Variants in CFAP276 observed in about 807,000 individuals in gnomAD.
CFAP276 encodes cilia and flagella associated protein 276, also known as cilia- and flagella-associated protein 276.
At chr1:109,112,624 T>A in the CFAP276 span, 5 of 1,550,598 alleles carry the variant, frequency 3.2e-6, no homozygotes, top group South Asian at 5.9e-5. Context: ...TTCTCCTAAG[T>A]AGGAATCATC....
chr1:109,113,434 GAGA>G, the CFAP276 span, among the ~76,000 whole-genome samples: 1 of 123,508 alleles, frequency 8.1e-6, no homozygotes, highest in African/African-American at 2.8e-5. Context: ...GAGAGAGAGA[GAGA>G]GAGAGAGAGA....
chr1:109,113,180 A>G, the CFAP276 span, among the ~76,000 whole-genome samples: 1 of 152,072 alleles, frequency 6.6e-6, no homozygotes, highest in African/African-American at 2.4e-5. Context: ...GCTTAAGCCC[A>G]AGAGTTCGAG....
At chr1:109,113,456 GAGAGAGAGAGA>G in the CFAP276 span, among the ~76,000 whole-genome samples, 40 of 141,094 alleles carry the variant, frequency 2.8e-4, 4 homozygotes, top group African/African-American at 9.8e-4. Flanking sequence ...GAGAGAGAGA[GAGAGAGAGAGA>G]GGCCCACGTG....
the CFAP276 span, chr1:109,107,947 G>T: frequency 6.2e-7 from 1 of 1,607,804 alleles, no homozygotes; most frequent in African/African-American, 1.3e-5. Flanking sequence ...TAGGCATCCC[G>T]CCTCATGGAA....
the CFAP276 span, among the ~76,000 whole-genome samples, chr1:109,113,416 A>AAG: frequency 0.013 from 902 of 68,024 alleles, 18 homozygotes; most frequent in Non-Finnish European, 0.016. Flanking sequence ...GAGAGAGAGA[A>AAG]AGAGAGAGAG....
the CFAP276 span, chr1:109,107,916 G>A: frequency 6.3e-7 from 1 of 1,596,718 alleles, no homozygotes; most frequent in South Asian, 1.1e-5. Flanking sequence ...TTCAATGCTA[G>A]GTACCTCGGG....
chr1:109,111,472 CA>C, the CFAP276 span, among the ~76,000 whole-genome samples: 411 of 141,270 alleles, frequency 2.9e-3, no homozygotes, highest in Non-Finnish European at 3.7e-3. Context: ...GACCCTGTCT[CA>C]AAAAAAAAAA....
the CFAP276 span, among the ~76,000 whole-genome samples, chr1:109,113,416 AAGAGAGAGAGAGAG>A: frequency 0.01 from 714 of 68,076 alleles, 21 homozygotes; most frequent in African/African-American, 0.027. Context: ...GAGAGAGAGA[AAGAGAGAGAGAGAG>A]AGAGAGAGAG....
At chr1:109,111,492 A>C in the CFAP276 span, among the ~76,000 whole-genome samples, 2 of 135,114 alleles carry the variant, frequency 1.5e-5, no homozygotes, top group Non-Finnish European at 1.5e-5. Context: ...AAAATATCCC[A>C]CAATGATTCC....
At chr1:109,107,811 C>T in the CFAP276 span, 15 of 842,948 alleles carry the variant, frequency 1.8e-5, no homozygotes, top group Non-Finnish European at 2.5e-5. Flanking sequence ...CTGGGAGGTT[C>T]AGGCTACGGT....
chr1:109,107,862 G>GA, the CFAP276 span: 166,621 of 1,182,416 alleles, frequency 0.14, 2,366 homozygotes, highest in East Asian at 0.35. Context: ...TGGGTGACAG[G>GA]AAAAAAAAAA....
At chr1:109,113,689 C>T in the CFAP276 span, 13 of 1,614,050 alleles carry the variant, frequency 8.1e-6, no homozygotes, top group East Asian at 4.5e-5. Flanking sequence ...TTCTTTCTCT[C>T]GGTTCACACG....
At chr1:109,113,148 G>A in the CFAP276 span, among the ~76,000 whole-genome samples, 2 of 152,152 alleles carry the variant, frequency 1.3e-5, no homozygotes, top group African/African-American at 2.4e-5. Context: ...TCAGCACTTT[G>A]GGAAGCGGAG....
At chr1:109,111,471 T>C in the CFAP276 span, among the ~76,000 whole-genome samples, 1 of 82,718 alleles carries the variant, frequency 1.2e-5, no homozygotes, top group African/African-American at 8.3e-5. Flanking sequence ...AGACCCTGTC[T>C]CAAAAAAAAA....
the CFAP276 span, among the ~76,000 whole-genome samples, chr1:109,106,269 G>C: frequency 6.6e-6 from 1 of 152,162 alleles, no homozygotes; most frequent in Non-Finnish European, 1.5e-5. Context: ...TCCACCCCCA[G>C]GTTTTTGCCC....
At chr1:109,113,819 G>T in the CFAP276 span, 5 of 875,316 alleles carry the variant, frequency 5.7e-6, no homozygotes, top group African/African-American at 1.7e-5. Context: ...CACGAGCCCC[G>T]GGCCTGCCTG....
At chr1:109,112,558 C>T in the CFAP276 span, 1 of 1,548,320 alleles carries the variant, frequency 6.5e-7, no homozygotes, top group Non-Finnish European at 8.7e-7. Flanking sequence ...AAGAAGACTA[C>T]CGGCGACCCT....
the CFAP276 span, chr1:109,112,894 C>A: frequency 1.5e-6 from 1 of 658,248 alleles, no homozygotes; most frequent in Non-Finnish European, 2.3e-6. Context: ...CCGGGGACTG[C>A]AGAGGGAACG....
At chr1:109,113,649 C>A in the CFAP276 span, 2 of 1,614,030 alleles carry the variant, frequency 1.2e-6, no homozygotes, top group South Asian at 1.1e-5. Context: ...CTCTTCCAGG[C>A]GACGACGTCT....
Sources: gnomAD v4.1 joint callset for allele counts (sites outside exome capture counted in the v4.1 genomes callset) on GRCh38, gnomAD v4.1.1 for gene constraint, MANE v1.5 for transcripts, NCBI Gene and HGNC (gene_info 2026-07-23, HGNC 2026-07-21) for gene names.